The following RGS7 variants were observed in gnomAD, a reference collection of about 807,000 sequenced individuals.
RGS7 encodes regulator of G protein signaling 7.
Under a neutral mutation model 81.1 loss-of-function variants are expected in RGS7, and 27 were observed. The observed-to-expected ratio is 0.33, with a 90% confidence interval of 0.25 to 0.46. The LOEUF is 0.46. Ranked by LOEUF, RGS7 falls within the 20% of genes least tolerant of loss-of-function variation. The probability of loss-of-function intolerance (pLI) is 1.00; values close to 1 mark genes in which losing one functional copy is unlikely to be tolerated. For synonymous variants in RGS7, 208 were observed against 207.7 expected (o/e 1.00, Z -0.01); for missense variants, 396 against 607.4 (o/e 0.65, Z 3.66).
chr1:240,823,066 A>T (rs1025619103), intron 10 of RGS7: 2 of 741,928 alleles, frequency 2.7e-6, no homozygotes, highest in Non-Finnish European at 4.8e-6. Context: ...AGCCTCCTCA[A>T]TGTCACCTGG....
chr1:241,330,010 G>A (rs771140225), intron 2 of RGS7, among the ~76,000 whole-genome samples: 7 of 152,042 alleles, frequency 4.6e-5, no homozygotes, highest in Non-Finnish European at 8.8e-5. Flanking sequence ...CGCAATCTTG[G>A]CTCACTGCAA....
chr1:241,047,378 C>T (rs2060991305), intron 3 of RGS7, among the ~76,000 whole-genome samples: 1 of 152,160 alleles, frequency 6.6e-6, no homozygotes, highest in Non-Finnish European at 1.5e-5. Flanking sequence ...CTTTGTCTTT[C>T]CCGGCTTCCT....
At chr1:240,957,264 C>A (rs1680597797) in intron 4 of RGS7, among the ~76,000 whole-genome samples, 1 of 152,144 alleles carries the variant, frequency 6.6e-6, no homozygotes, top group African/African-American at 2.4e-5. Flanking sequence ...ACCTCAGACT[C>A]CAGGTTCTTC....
At chr1:240,816,239 AC>A in intron 11 of RGS7, 77 bp downstream of exon 11, 1 of 876,796 alleles carries the variant, frequency 1.1e-6, no homozygotes. Context: ...AAAAATACCC[AC>A]TATTAACATT....
intron 4 of RGS7, among the ~76,000 whole-genome samples, chr1:240,946,660 T>C (rs1325218466): frequency 6.6e-6 from 1 of 152,186 alleles, no homozygotes; most frequent in South Asian, 2.1e-4. Context: ...TATGGTTTCA[T>C]AAGGTTCTTT....
At chr1:240,942,872 CAT>C (rs1189258551) in intron 4 of RGS7, among the ~76,000 whole-genome samples, 1 of 152,136 alleles carries the variant, frequency 6.6e-6, no homozygotes, top group Non-Finnish European at 1.5e-5. Context: ...AGAAAAATCT[CAT>C]ATGCGGAACA....
chr1:241,132,328 T>G, intron 2 of RGS7: 1 of 154,860 alleles, frequency 6.5e-6, no homozygotes, highest in South Asian at 2.0e-4. Flanking sequence ...CCCAGAGAAT[T>G]GTTTAATCAT....
intron 9 of RGS7, among the ~76,000 whole-genome samples, chr1:240,830,295 G>A (rs1282733246): frequency 6.6e-6 from 1 of 152,246 alleles, no homozygotes; most frequent in African/African-American, 2.4e-5. Flanking sequence ...GACAAAGGCT[G>A]CAGTGTGCAG....
At chr1:241,321,190 T>C (rs1014222282) in intron 2 of RGS7, among the ~76,000 whole-genome samples, 1 of 152,320 alleles carries the variant, frequency 6.6e-6, no homozygotes, top group Non-Finnish European at 1.5e-5. Context: ...CTTCTTAAAT[T>C]GTATCATGAC....
intron 1 of RGS7, 134 bp from the exon 2 acceptor site, chr1:241,355,960 G>T: frequency 1.6e-6 from 1 of 636,122 alleles, no homozygotes; most frequent in South Asian, 1.8e-5. Flanking sequence ...CACAGGACAT[G>T]GATTTTTTAA....
At chr1:241,226,453 T>C (rs868788996) in intron 2 of RGS7, among the ~76,000 whole-genome samples, 1 of 152,112 alleles carries the variant, frequency 6.6e-6, no homozygotes, top group African/African-American at 2.4e-5. Context: ...GTCTAAAGGA[T>C]TGGAAGTACT....
At chr1:240,937,197 G>A (rs1369185543) in intron 4 of RGS7, among the ~76,000 whole-genome samples, 2 of 152,214 alleles carry the variant, frequency 1.3e-5, no homozygotes, top group Non-Finnish European at 2.9e-5. Context: ...GGACACAGAA[G>A]CAGGGACTAA....
rs1573801188 is a variant in RGS7 at position 241,351,000 on chromosome 1, A to C, written c.78+4699T>G. ...CTCTCATAAAACAGGCTGACTTCAGAAGTAGCTTTCAAAGACAATGCTTAG... is the reference window on the plus strand; with the variant it reads ...CTCTCATAAAACAGGCTGACTTCAGCAGTAGCTTTCAAAGACAATGCTTAG... On this transcript the variant is annotated intron_variant, in intron 2 of 18. Coordinates refer to ENST00000440928, the MANE Select transcript of RGS7 (RefSeq NM_001364886.1). 4.6e-5 allele frequency among the ~76,000 whole-genome samples: 7 copies of C among 152,320 alleles called. 2 individuals carry two copies. Among genetic ancestry groups the C allele is most frequent in the Admixed American group, 4.6e-4 (7 of 15,302 alleles).
At chr1:241,129,409 C>T (rs1291357954) in intron 2 of RGS7, among the ~76,000 whole-genome samples, 1 of 151,682 alleles carries the variant, frequency 6.6e-6, no homozygotes, top group African/African-American at 2.4e-5. Flanking sequence ...TCTGACTCTA[C>T]ATTCATCAGC....
intron 4 of RGS7, among the ~76,000 whole-genome samples, chr1:240,958,102 CTACAAG>C (rs1680754387): frequency 6.6e-6 from 1 of 152,222 alleles, no homozygotes; most frequent in African/African-American, 2.4e-5. Context: ...TCTGGCAGAA[CTACAAG>C]TTGAGAAAGC....
chr1:241,019,505 C>A (rs973779584), intron 3 of RGS7, among the ~76,000 whole-genome samples: 2 of 152,076 alleles, frequency 1.3e-5, no homozygotes, highest in Admixed American at 6.6e-5. Context: ...ATCCCTCCCC[C>A]AGCTCCCCAC....
At chr1:241,042,700 G>A (rs1042506555) in intron 3 of RGS7, among the ~76,000 whole-genome samples, 4 of 152,130 alleles carry the variant, frequency 2.6e-5, no homozygotes, top group Non-Finnish European at 4.4e-5. Context: ...AGCACTTTGG[G>A]AGGCCAGGGC....
intron 3 of RGS7, among the ~76,000 whole-genome samples, chr1:240,984,586 A>G (rs1685389363): frequency 6.6e-6 from 1 of 152,158 alleles, no homozygotes; most frequent in African/African-American, 2.4e-5. Context: ...TTTCTGCATA[A>G]CTCTTTTCTA....
At chr1:241,305,116 C>A (rs1479785472) in intron 2 of RGS7, among the ~76,000 whole-genome samples, 1 of 152,150 alleles carries the variant, frequency 6.6e-6, no homozygotes, top group Non-Finnish European at 1.5e-5. Flanking sequence ...CAGGTAGATT[C>A]TTTTACGAGT....
Sources: gnomAD v4.1 joint callset for allele counts (sites outside exome capture counted in the v4.1 genomes callset) on GRCh38, gnomAD v4.1.1 for gene constraint, MANE v1.5 for transcripts, NCBI Gene and HGNC (gene_info 2026-07-23, HGNC 2026-07-21) for gene names.